The following RP1 variants were observed in gnomAD, a reference collection of about 807,000 sequenced individuals.
RP1 encodes oxygen-regulated protein 1.
A neutral mutation model predicts 14.8 loss-of-function variants in RP1; 16 were observed. The ratio of observed to expected loss-of-function variants is 1.08; its 90% CI spans 0.73 to 1.65. The LOEUF (loss-of-function observed/expected upper bound fraction) is 1.65. RP1 is among the 40% of genes most tolerant of loss of function. The pLI, the probability that RP1 is intolerant of heterozygous loss-of-function variation, is 0.00. For synonymous variants in RP1, 876 were observed against 883.6 expected (o/e 0.99, Z 0.15); for missense variants, 2,631 against 2,535.0 (o/e 1.04, Z -0.81).
At chr8:54,769,201 A>G (rs1182188485) in intron 22 of RP1, among the ~76,000 whole-genome samples, 2 of 152,174 alleles carry the variant, frequency 1.3e-5, no homozygotes, top group African/African-American at 4.8e-5. Flanking sequence ...GCCAATGGTA[A>G]TATTCTTTTT....
chr8:54,754,811 G>T, exon 20 of RP1: 4 of 1,512,072 alleles, frequency 2.6e-6, no homozygotes, highest in Non-Finnish European at 3.5e-6. Context: ...AGGTGACCAT[G>T]CAACATATGA....
intron 24 of RP1, among the ~76,000 whole-genome samples, chr8:54,812,806 T>TATCATC (rs1554535920): frequency 2.2e-5 from 3 of 134,568 alleles, no homozygotes. Flanking sequence ...TCTATCTATC[T>TATCATC]ATCTCTCCGT....
intron 12 of RP1, among the ~76,000 whole-genome samples, chr8:54,688,944 G>T (rs535910443): frequency 1.3e-5 from 2 of 152,312 alleles, no homozygotes; most frequent in South Asian, 4.1e-4. Context: ...CTATCCATGA[G>T]CATGGAATGT....
intron 27 of RP1, among the ~76,000 whole-genome samples, chr8:54,858,722 G>A (rs1812264873): frequency 6.6e-6 from 1 of 151,668 alleles, no homozygotes; most frequent in African/African-American, 2.4e-5. Flanking sequence ...CTGTGGAGCA[G>A]TGTCACTGTA....
At chr8:54,859,489 C>T (rs199558820) in intron 27 of RP1, among the ~76,000 whole-genome samples, 11 of 151,216 alleles carry the variant, frequency 7.3e-5, no homozygotes, top group Non-Finnish European at 1.3e-4. Flanking sequence ...AGCGTTGTCA[C>T]TATGGAGTGG....
At chr8:54,675,028 C>T (rs548089912) in intron 8 of RP1, among the ~76,000 whole-genome samples, 1 of 152,052 alleles carries the variant, frequency 6.6e-6, no homozygotes, top group African/African-American at 2.4e-5. Flanking sequence ...CATCTTTTAG[C>T]CTTATTTCTG....
rs147990983 is a variant in RP1 at position 54,626,127 on chromosome 8, C to G, written c.2245C>G (p.Leu749Val). 2 of 1,613,006 alleles carry G rather than the reference C, an allele frequency of 1.2e-6. No individual in the cohort carries two copies. The highest frequency in any genetic ancestry group is 1.3e-5 in the African/African-American group (1 of 74,950). ...ESNTFCSKSN[L>V]NSTISKNFHR... is the part of the protein sequence containing the mutation. ...AAATACTTTTTGTTCCAAAAGTAAT[C>G]TCAATTCCACGATTTCCAAGAATTT... The change falls in exon 4 of 4, where the codon CTC (leucine) becomes GTC (valine). Residue 749 changes from leucine (L) to valine (V), a missense_variant. By Grantham distance (32) the Leu-to-Val change is conservative. Coordinates refer to ENST00000220676, the MANE Select transcript of RP1 (RefSeq NM_006269.2).
intron 16 of RP1, among the ~76,000 whole-genome samples, chr8:54,721,201 T>C (rs1224637236): frequency 3.9e-5 from 6 of 152,242 alleles, no homozygotes; most frequent in Non-Finnish European, 8.8e-5. Flanking sequence ...TTAGTTGCTT[T>C]TTTAAAAATT....
At chr8:54,766,598 A>T (rs930319889) in intron 22 of RP1, among the ~76,000 whole-genome samples, 1 of 152,164 alleles carries the variant, frequency 6.6e-6, no homozygotes, top group African/African-American at 2.4e-5. Context: ...GCCATTTTCA[A>T]TGTGAAAGTG....
intron 5 of RP1, among the ~76,000 whole-genome samples, chr8:54,655,821 C>T (rs1043860460): frequency 6.6e-6 from 1 of 151,988 alleles, no homozygotes; most frequent in Non-Finnish European, 1.5e-5. Flanking sequence ...AGTTGGCAAC[C>T]AGCCTGGGCA....
chr8:54,836,793 A>G (rs578166595), intron 24 of RP1, among the ~76,000 whole-genome samples: 1 of 152,318 alleles, frequency 6.6e-6, no homozygotes, highest in East Asian at 1.9e-4. Context: ...GTCTTATTTC[A>G]AGTAATTAAG....
chr8:54,693,203 C>T (rs1383256754), intron 12 of RP1, among the ~76,000 whole-genome samples: 3 of 152,154 alleles, frequency 2.0e-5, no homozygotes, highest in Non-Finnish European at 4.4e-5. Flanking sequence ...CATTACCATG[C>T]CGTTTTGATT....
chr8:54,668,300 T>A lies in RP1; in HGVS notation c.1323+4450T>A, dbSNP rs188999690. On this transcript the variant is annotated intron_variant, in intron 7 of 22. Coordinates refer to the RP1 transcript ENST00000636932. ...ATTGCTACAAAGAGAATAAAACACCTAGGAATACAACTTACAAGGGATGTG... is the reference window on the plus strand; with the variant it reads ...ATTGCTACAAAGAGAATAAAACACCAAGGAATACAACTTACAAGGGATGTG... Among the ~76,000 whole-genome samples the A allele has an allele frequency of 0.016, 2,386 of 152,126 alleles. 139 individuals are homozygous for A. The East Asian group carries it at 0.18, about 11-fold the overall frequency.
At chr8:54,732,359 G>A (rs1035343130) in intron 17 of RP1, among the ~76,000 whole-genome samples, 2 of 152,116 alleles carry the variant, frequency 1.3e-5, no homozygotes, top group African/African-American at 4.8e-5. Flanking sequence ...GAAGGTATTT[G>A]AATATTTGAA....
At chr8:54,848,949 A>C (rs941240379) in intron 25 of RP1, among the ~76,000 whole-genome samples, 1 of 152,144 alleles carries the variant, frequency 6.6e-6, no homozygotes, top group Non-Finnish European at 1.5e-5. Context: ...GGGTTTCTCC[A>C]CATTGGCCAG....
chr8:54,584,114 G>T (rs1043757975), intron 1 of RP1, among the ~76,000 whole-genome samples: 2 of 151,994 alleles, frequency 1.3e-5, no homozygotes, highest in Admixed American at 6.6e-5. Flanking sequence ...TTTAGATCTT[G>T]TCTTCTTTCT....
In RP1 at chr8:54,865,844, G is replaced by A. The variant is rs141992026; in HGVS notation, c.4079G>A (p.Trp1360Ter). Residue 1360 changes from tryptophan (W) to a stop codon, truncating the protein, a stop_gained, in exon 28 of 29, where the codon TGG (tryptophan) becomes TAG (stop). Coordinates refer to the RP1 transcript ENST00000637698. LOFTEE classifies it high-confidence loss of function. ...TTGTCAACTGACACAGGTAATGGAT[G>A]GTTTCTTGGGAGTATTGTTGTTAAG... is the stretch of plus-strand genomic sequence containing the variant. 1.4e-3 allele frequency: 1,664 copies of A among 1,220,704 alleles called. 25 individuals carry two copies. The Admixed American group carries it at 0.033, about 24-fold the overall frequency. The allele number at this position is 1,220,704 out of a possible 1,614,324, so 75.6% of individuals were successfully genotyped here. A position where few individuals can be genotyped will look rare whatever the true frequency, so the allele number is the denominator to read the frequency against.
exon 29 of RP1, chr8:54,870,041 T>TG (rs1191165068): frequency 1.9e-6 from 1 of 515,712 alleles, no homozygotes; most frequent in Non-Finnish European, 3.0e-6. Flanking sequence ...AGCAAACACC[T>TG]GGGGAGGGTC....
chr8:54,780,461 T>G (rs181466121), intron 23 of RP1, among the ~76,000 whole-genome samples: 10 of 152,364 alleles, frequency 6.6e-5, no homozygotes, highest in Admixed American at 5.2e-4. Flanking sequence ...GCAATACCTG[T>G]AAGTCAACTT....
Sources: allele counts gnomAD v4.1 joint callset (sites outside exome capture counted in the v4.1 genomes callset), GRCh38; gene constraint gnomAD v4.1.1; transcripts MANE v1.5; gene names NCBI Gene and HGNC (gene_info 2026-07-23, HGNC 2026-07-21).